Variants in PRTFDC1 observed in about 807,000 individuals in gnomAD.
The protein encoded by PRTFDC1 is phosphoribosyltransferase domain-containing protein 1.
Under a neutral mutation model 34.6 loss-of-function variants are expected in PRTFDC1, and 38 were observed. That is an observed-to-expected ratio of 1.10 (90% CI 0.85 to 1.44). The LOEUF (loss-of-function observed/expected upper bound fraction) is 1.44, where lower values mean the gene tolerates loss of function less well. Ranked by LOEUF, PRTFDC1 falls within the 40% of genes most tolerant of loss-of-function variation. The pLI, the probability that PRTFDC1 is intolerant of heterozygous loss-of-function variation, is 0.00. For synonymous variants in PRTFDC1, 93 were observed against 98.1 expected, an observed-to-expected ratio of 0.95 and a Z score of 0.31; for missense variants, 270 against 283.0, an observed-to-expected ratio of 0.95 and a Z score of 0.33.
chr10:24,901,662 G>A (rs1848451939), intron 3 of PRTFDC1, among the ~76,000 whole-genome samples: 1 of 152,184 alleles, frequency 6.6e-6, no homozygotes, highest in Non-Finnish European at 1.5e-5. Flanking sequence ...CTGGTAGGAG[G>A]AGGCTGCAGT....
chr10:24,880,880 C>CTTT (rs1848066438), intron 3 of PRTFDC1, among the ~76,000 whole-genome samples: 1 of 68,560 alleles, frequency 1.5e-5, no homozygotes, highest in African/African-American at 5.1e-5. Flanking sequence ...TCTTTCTTTC[C>CTTT]CTCTTTCCTT....
chr10:24,941,036 T>TTGTG (rs58812300), intron 2 of PRTFDC1, among the ~76,000 whole-genome samples: 4 of 149,954 alleles, frequency 2.7e-5, no homozygotes, highest in Non-Finnish European at 4.4e-5. Flanking sequence ...TAAATTAATC[T>TTGTG]TGTGTGTGTG....
chr10:24,893,721 A>G (rs1027700778), intron 3 of PRTFDC1, among the ~76,000 whole-genome samples: 10 of 152,000 alleles, frequency 6.6e-5, no homozygotes, highest in Admixed American at 6.6e-4. Flanking sequence ...ACTTGATCTC[A>G]TTTTCTAGAT....
rs1432149561 is a variant in PRTFDC1, at chr10:24,911,199, C to T, written c.339+25985G>A. 2.6e-5 allele frequency among the ~76,000 whole-genome samples: 4 copies of T among 152,150 alleles called. No homozygotes were observed. The South Asian group carries it at 8.3e-4, about 32-fold the overall frequency. ...GTCATGATGTAGAATAATTCCATCA[C>T]CCCCAAAAGCTCCCTTGAGCCCCTT... On this transcript the variant is annotated intron_variant, in intron 3 of 8. Coordinates refer to ENST00000320152, the MANE Select transcript of PRTFDC1 (RefSeq NM_020200.7).
intron 4 of PRTFDC1, among the ~76,000 whole-genome samples, chr10:24,859,072 C>T (rs897931061): frequency 2.6e-5 from 4 of 152,152 alleles, no homozygotes; most frequent in Non-Finnish European, 5.9e-5. Context: ...AAGTGTAATT[C>T]TCAGTGCTCG....
chr10:24,923,732 A>G (rs1386981234), intron 3 of PRTFDC1, among the ~76,000 whole-genome samples: 2 of 152,204 alleles, frequency 1.3e-5, no homozygotes, highest in Non-Finnish European at 2.9e-5. Context: ...CAAAAACCAG[A>G]GTTCTTCTTC....
chr10:24,895,168 A>G lies in PRTFDC1; in HGVS notation c.340-23105T>C, dbSNP rs112851138. 5.3e-3 allele frequency among the ~76,000 whole-genome samples: 800 copies of G among 151,920 alleles called. 6 individuals carry two copies. The highest frequency in any genetic ancestry group is 0.018 in the African/African-American group (743 of 41,430). On this transcript the variant is annotated intron_variant, in intron 3 of 8. Transcript: ENST00000320152. Reference sequence around the variant, plus strand: ...CTGAGGAAGTTGTGCTTTGTACCAGATTTAAATTAGAAAGCTATATCCTGC... The same window carrying G: ...CTGAGGAAGTTGTGCTTTGTACCAGGTTTAAATTAGAAAGCTATATCCTGC...
chr10:24,943,220 G>C (rs1849197939), intron 1 of PRTFDC1, among the ~76,000 whole-genome samples: 1 of 151,776 alleles, frequency 6.6e-6, no homozygotes, highest in Non-Finnish European at 1.5e-5. Flanking sequence ...GTATCTCCTG[G>C]GATCAGAGTA....
At chr10:24,872,275 G>A (rs572128121) in intron 3 of PRTFDC1, among the ~76,000 whole-genome samples, 1 of 152,280 alleles carries the variant, frequency 6.6e-6, no homozygotes, top group African/African-American at 2.4e-5. Context: ...GCAGGGAGAG[G>A]CTGGGTGTGC....
At chr10:24,898,164 G>A (rs1285499838) in intron 3 of PRTFDC1, among the ~76,000 whole-genome samples, 1 of 151,654 alleles carries the variant, frequency 6.6e-6, no homozygotes, top group African/African-American at 2.4e-5. Context: ...GAAAAGAAGA[G>A]CTGAGGCTGT....
intron 6 of PRTFDC1, 31 bp downstream of exon 6, chr10:24,856,882 G>T: frequency 6.4e-7 from 1 of 1,561,450 alleles, no homozygotes; most frequent in Non-Finnish European, 8.8e-7. Context: ...TGGAAAACTA[G>T]AAATCACCAT....
intron 3 of PRTFDC1, among the ~76,000 whole-genome samples, chr10:24,909,962 C>T (rs1274916926): frequency 6.7e-6 from 1 of 150,196 alleles, no homozygotes; most frequent in African/African-American, 2.5e-5. Context: ...ACAAGCCTGG[C>T]CAACGTGAGG....
chr10:24,871,308 C>T (rs957379952), intron 4 of PRTFDC1, among the ~76,000 whole-genome samples: 2 of 152,184 alleles, frequency 1.3e-5, no homozygotes, highest in Non-Finnish European at 2.9e-5. Context: ...AAACAAATTC[C>T]GGATTGCTTT....
chr10:24,917,741 C>A, intron 3 of PRTFDC1, among the ~76,000 whole-genome samples: 1 of 152,084 alleles, frequency 6.6e-6, no homozygotes, highest in Non-Finnish European at 1.5e-5. Context: ...AGACAGATGT[C>A]CTTTTCAGTG....
chr10:24,938,572 C>T (rs1849092586), intron 2 of PRTFDC1, among the ~76,000 whole-genome samples: 1 of 152,206 alleles, frequency 6.6e-6, no homozygotes, highest in Admixed American at 6.5e-5. Context: ...AAAATGGTCA[C>T]CTTGGTGGCA....
chr10:24,865,734 A>G (rs1330494802), intron 4 of PRTFDC1, among the ~76,000 whole-genome samples: 1 of 152,228 alleles, frequency 6.6e-6, no homozygotes, highest in Non-Finnish European at 1.5e-5. Context: ...TTTAGAGCAC[A>G]CAGTGATTTG....
Position 24,856,926 on chromosome 10 carries a change from T to C in PRTFDC1, c.493A>G (p.Ile165Val). Residue 165 changes from isoleucine to valine, a missense_variant, in exon 6 of 9, where the codon ATT (isoleucine) becomes GTT (valine). By Grantham distance (29) the Ile-to-Val change is conservative. Coordinates refer to ENST00000320152, the MANE Select transcript of PRTFDC1 (RefSeq NM_020200.7). The part of the protein sequence containing the change: ...SNIEKYKPNM[I>V]KVASLLVKRT... ...TGTCCAACTCACCTGGCTACCTTAATCATGTTGGGCTTGTATTTCTCTATA... is the reference window on the plus strand; with the variant it reads ...TGTCCAACTCACCTGGCTACCTTAACCATGTTGGGCTTGTATTTCTCTATA... The C allele has an allele frequency of 6.2e-7, 1 of 1,612,480 alleles. No homozygotes were observed. The highest frequency in any genetic ancestry group is 1.1e-5 in the South Asian group (1 of 91,058).
At chr10:24,937,620 C>T (rs1046533515) in intron 2 of PRTFDC1, among the ~76,000 whole-genome samples, 15 of 150,030 alleles carry the variant, frequency 1.0e-4, no homozygotes, top group Admixed American at 6.7e-4. Context: ...TGCAGTGGCA[C>T]GATCTTGGCT....
intron 3 of PRTFDC1, among the ~76,000 whole-genome samples, chr10:24,932,627 C>T (rs1848988658): frequency 6.6e-6 from 1 of 151,824 alleles, no homozygotes; most frequent in Non-Finnish European, 1.5e-5. Flanking sequence ...CCAGAAAACA[C>T]TGAAATAAGA....
Sources: gnomAD v4.1 joint callset for allele counts (sites outside exome capture counted in the v4.1 genomes callset) on GRCh38, gnomAD v4.1.1 for gene constraint, MANE v1.5 for transcripts, NCBI Gene and HGNC (gene_info 2026-07-23, HGNC 2026-07-21) for gene names.